SRGAP2: variants seen among roughly 807,000 people sequenced by gnomAD.
SRGAP2 encodes SLIT-ROBO Rho GTPase activating protein 2, also known as SLIT-ROBO Rho GTPase-activating protein 2.
A neutral mutation model predicts 57.2 loss-of-function variants in SRGAP2; 15 were observed. The ratio of observed to expected loss-of-function variants is 0.26; its 90% confidence interval spans 0.18 to 0.40. SRGAP2 has a LOEUF of 0.40. Ranked by LOEUF, SRGAP2 falls within the 10% of genes least tolerant of loss-of-function variation. The pLI, the probability that SRGAP2 is intolerant of heterozygous loss-of-function variation, is 1.00. For synonymous variants in SRGAP2, 249 were observed against 248.0 expected, an observed-to-expected ratio of 1.00 and a Z score of -0.04; for missense variants, 520 against 669.6, an observed-to-expected ratio of 0.78 and a Z score of 2.47.
chr1:206,404,774 C>T (rs1452802705), intron 8 of SRGAP2, among the ~76,000 whole-genome samples: 1 of 152,202 alleles, frequency 6.6e-6, no homozygotes, highest in Non-Finnish European at 1.5e-5. Context: ...AATCAAAGCT[C>T]TCATGCATGG....
intron 13 of SRGAP2, among the ~76,000 whole-genome samples, chr1:206,422,755 C>G (rs1660427231): frequency 6.6e-6 from 1 of 152,198 alleles, no homozygotes; most frequent in African/African-American, 2.4e-5. Flanking sequence ...GGAACAGCAC[C>G]CATCTGGTTT....
At chr1:206,401,355 A>G (rs1187742946) in intron 7 of SRGAP2, 66 bp from the exon 8 acceptor site, 7 of 691,988 alleles carry the variant, frequency 1.0e-5, no homozygotes, top group Non-Finnish European at 1.9e-5. Context: ...CCTCTGGACC[A>G]CCTTCCTTTT....
intron 13 of SRGAP2, among the ~76,000 whole-genome samples, chr1:206,429,287 A>G (rs782030748): frequency 1.4e-4 from 22 of 152,164 alleles, no homozygotes; most frequent in African/African-American, 5.3e-4. Flanking sequence ...TTTCTTTTCT[A>G]TCTTACCTTT....
At chr1:206,292,152 A>G (rs1671363997) in intron 2 of SRGAP2, among the ~76,000 whole-genome samples, 1 of 151,918 alleles carries the variant, frequency 6.6e-6, no homozygotes, top group Admixed American at 6.5e-5. Context: ...ACATCTTCAC[A>G]TAACTATGTG....
At chr1:206,250,227 T>G (rs575991012) in intron 2 of SRGAP2, among the ~76,000 whole-genome samples, 4 of 152,196 alleles carry the variant, frequency 2.6e-5, no homozygotes, top group Admixed American at 1.3e-4. Flanking sequence ...TCCACTTTTC[T>G]CATTATTGAT....
At chr1:206,224,396 G>A (rs555286227) in intron 2 of SRGAP2, among the ~76,000 whole-genome samples, 2 of 145,360 alleles carry the variant, frequency 1.4e-5, no homozygotes, top group Admixed American at 6.7e-5. Context: ...GAGGAAAAAA[G>A]CCTACCTATA....
intron 2 of SRGAP2, among the ~76,000 whole-genome samples, chr1:206,221,508 T>C (rs1666991589): frequency 1.3e-5 from 2 of 151,142 alleles, no homozygotes; most frequent in Non-Finnish European, 2.9e-5. Flanking sequence ...GGATATCACA[T>C]AGAGAGGGAG....
At chr1:206,346,588 T>C (rs749976714) in intron 4 of SRGAP2, among the ~76,000 whole-genome samples, 2 of 152,038 alleles carry the variant, frequency 1.3e-5, no homozygotes, top group Non-Finnish European at 2.9e-5. Context: ...ATACATAAAA[T>C]AGATATGTTT....
intron 13 of SRGAP2, among the ~76,000 whole-genome samples, chr1:206,424,350 G>A (rs564078140): frequency 4.6e-5 from 7 of 152,098 alleles, no homozygotes; most frequent in Non-Finnish European, 8.8e-5. Context: ...AGGAAGAGAC[G>A]AATAGTACAT....
chr1:206,411,023 G>A (rs1369825963), intron 10 of SRGAP2, among the ~76,000 whole-genome samples: 1 of 152,170 alleles, frequency 6.6e-6, no homozygotes, highest in African/African-American at 2.4e-5. Flanking sequence ...ACCACGCCTG[G>A]CTAATTTTTT....
intron 13 of SRGAP2, among the ~76,000 whole-genome samples, chr1:206,423,004 G>A (rs1356321520): frequency 6.6e-6 from 1 of 152,214 alleles, no homozygotes; most frequent in Non-Finnish European, 1.5e-5. Flanking sequence ...TCTTATATAA[G>A]TAACAAGGAA....
At chr1:206,417,486 T>A (rs1468012400) in intron 11 of SRGAP2, among the ~76,000 whole-genome samples, 3 of 150,980 alleles carry the variant, frequency 2.0e-5, no homozygotes, top group African/African-American at 4.9e-5. Flanking sequence ...GGTGTGATCT[T>A]GGCTTATTGC....
At chr1:206,286,262 T>G (rs1671017480) in intron 2 of SRGAP2, among the ~76,000 whole-genome samples, 2 of 151,718 alleles carry the variant, frequency 1.3e-5, no homozygotes, top group Admixed American at 1.3e-4. Flanking sequence ...GAAAAACACT[T>G]GTCAAAATAT....
intron 21 of SRGAP2, among the ~76,000 whole-genome samples, chr1:206,457,106 C>T (rs1663903479): frequency 6.6e-6 from 1 of 152,114 alleles, no homozygotes; most frequent in Admixed American, 6.5e-5. Flanking sequence ...CTTTTCTTTA[C>T]ATCCCCAGGG....
At chr1:206,387,083 G>A (rs1337903453) in intron 5 of SRGAP2, among the ~76,000 whole-genome samples, 5 of 136,794 alleles carry the variant, frequency 3.7e-5, no homozygotes, top group African/African-American at 1.1e-4. Flanking sequence ...CCAAGATCGT[G>A]CCACTGCACT....
At chr1:206,318,942 A>G (rs1276338530) in intron 3 of SRGAP2, among the ~76,000 whole-genome samples, 4 of 151,928 alleles carry the variant, frequency 2.6e-5, no homozygotes, top group African/African-American at 9.7e-5. Flanking sequence ...AAACCATATC[A>G]CATAGGAGGA....
rs568747668 is a variant in SRGAP2 at position 206,221,333 on chromosome 1, G to T, written c.67+15296G>T. 1.7e-4 allele frequency among the ~76,000 whole-genome samples: 26 copies of T among 151,308 alleles called. No individual in the cohort carries two copies. The East Asian group carries it at 4.9e-3, about 28-fold the overall frequency. ...GCTGCAGTCTATTAGAAATGTCTTAGTCCGTTTTCTGTTGATTATAACACA... is the reference window on the plus strand; with the variant it reads ...GCTGCAGTCTATTAGAAATGTCTTATTCCGTTTTCTGTTGATTATAACACA... On this transcript the variant is annotated intron_variant, in intron 2 of 22. Coordinates refer to ENST00000573034, the MANE Select transcript of SRGAP2 (RefSeq NM_015326.5).
At position 206,281,585 on chromosome 1, in the gene SRGAP2, C is replaced by T. The variant is rs1389661964; in HGVS notation, c.68-21696C>T. 4.4e-3 allele frequency among the ~76,000 whole-genome samples: 525 copies of T among 118,860 alleles called. 11 individuals carry two copies. Among genetic ancestry groups the T allele is most frequent in the African/African-American group, 0.021 (495 of 23,918 alleles). 78.0% of individuals were successfully genotyped at this position (118,860 alleles called of 152,430 possible). A position where few individuals can be genotyped will look rare whatever the true frequency, so the allele number is the denominator to read the frequency against. On this transcript the variant is annotated intron_variant, in intron 2 of 22. Coordinates refer to ENST00000573034, the MANE Select transcript of SRGAP2 (RefSeq NM_015326.5). ...CGGTGGCTCATGCCTGTAATCTCAG[C>T]ACTTTGGGAGGCTGAGTTGGGCAGA...
intron 4 of SRGAP2, among the ~76,000 whole-genome samples, chr1:206,372,836 T>C (rs1425918488): frequency 1.1e-5 from 1 of 87,888 alleles, no homozygotes; most frequent in Non-Finnish European, 2.2e-5. Context: ...TAAAGCAAAG[T>C]GATAGGAAAA....
Sources: gnomAD v4.1 joint callset for allele counts (sites outside exome capture counted in the v4.1 genomes callset) on GRCh38, gnomAD v4.1.1 for gene constraint, MANE v1.5 for transcripts, NCBI Gene and HGNC (gene_info 2026-07-23, HGNC 2026-07-21) for gene names.